Variants in TGM2 observed in about 807,000 individuals in gnomAD.
The protein encoded by TGM2 is protein-glutamine gamma-glutamyltransferase 2.
TGM2 carries 53 observed loss-of-function variants against 75.6 expected under a neutral mutation model. The ratio of observed to expected loss-of-function variants is 0.70; its 90% CI spans 0.56 to 0.88. The LOEUF (loss-of-function observed/expected upper bound fraction) is 0.88, where lower values mean the gene tolerates loss of function less well. Ranked by LOEUF, TGM2 falls within the 40% of genes least tolerant of loss-of-function variation. The pLI is 0.00. For missense variants in TGM2, 842 were observed against 928.5 expected, an observed-to-expected ratio of 0.91 and a Z score of 1.21; for synonymous variants, 374 against 381.1, an observed-to-expected ratio of 0.98 and a Z score of 0.22.
chr20:38,146,568 G>T (rs1470833410), intron 6 of TGM2, 149 bp downstream of exon 6: 1 of 889,966 alleles, frequency 1.1e-6, no homozygotes. Context: ...AAGGACCGGA[G>T]AGGGTGGTCA....
At chr20:38,152,619 G>C (rs1004797693) in intron 3 of TGM2, among the ~76,000 whole-genome samples, 2 of 152,180 alleles carry the variant, frequency 1.3e-5, no homozygotes, top group Non-Finnish European at 2.9e-5. Flanking sequence ...GTGAAGCCTT[G>C]CATATAACTG....
intron 2 of TGM2, 81 bp from the exon 3 acceptor site, chr20:38,156,170 TG>T: frequency 6.5e-7 from 1 of 1,533,566 alleles, no homozygotes; most frequent in Non-Finnish European, 8.8e-7. Context: ...TCCCCCAGCT[TG>T]GGCTCCAGGC....
chr20:38,149,322 A>G (rs1285400062), intron 4 of TGM2, among the ~76,000 whole-genome samples: 1 of 152,010 alleles, frequency 6.6e-6, no homozygotes, highest in Non-Finnish European at 1.5e-5. Context: ...CTGGACTGTG[A>G]TCACCTCCAG....
intron 6 of TGM2, among the ~76,000 whole-genome samples, chr20:38,143,981 C>T (rs2075011563): frequency 6.6e-6 from 1 of 152,194 alleles, no homozygotes; most frequent in African/African-American, 2.4e-5. Flanking sequence ...GTTTCTGTCC[C>T]CCTGAGGCCT....
In TGM2 at chr20:38,130,270, G is replaced by C. The variant is rs771564770; in HGVS notation, c.2013C>G (p.Asp671Glu). 6.2e-7 allele frequency: 1 copy of C among 1,613,242 alleles called. No individual in the cohort carries two copies. Among genetic ancestry groups the C allele is most frequent in the South Asian group, 1.1e-5 (1 of 90,610 alleles). Residue 671 changes from aspartate to glutamate, a missense_variant, in exon 13 of 13, where the codon GAC becomes GAG. Transcript: ENST00000361475. The part of the protein sequence containing the change: ...LHKLVVNFES[D>E]KLKAVKGFRN... The stretch of plus-strand genomic sequence containing the variant: ...GGAAGCCCTTCACAGCCTTCAGCTT[G>C]TCGCTCTCGAAGTTCACCACCAGCT...
At chr20:38,145,132 CAGGCAGAG>C (rs2075029415) in intron 6 of TGM2, among the ~76,000 whole-genome samples, 1 of 152,140 alleles carries the variant, frequency 6.6e-6, no homozygotes, top group African/African-American at 2.4e-5. Flanking sequence ...CAGGCAGTCC[CAGGCAGAG>C]AGGCAGGAGT....
In TGM2 at chr20:38,132,258, G is replaced by T. The variant is rs573476293; in HGVS notation, c.1776+82C>A. On this transcript the variant is annotated intron_variant, in intron 11 of 12. Coordinates refer to ENST00000361475, the MANE Select transcript of TGM2 (RefSeq NM_004613.4). Reference sequence around the variant, plus strand: ...GTCTGGAGCTTGCAGGGATGCAGGTGTGTGGGGTGGGGGTAGGGATCTGCC... The same window carrying T: ...GTCTGGAGCTTGCAGGGATGCAGGTTTGTGGGGTGGGGGTAGGGATCTGCC... The T allele has an allele frequency of 1.4e-5, 21 of 1,509,684 alleles. No individual in the cohort carries two copies. In the South Asian group the frequency reaches 2.1e-4, roughly 15 times the overall value. The allele number at this position is 1,509,684 out of a possible 1,614,324, so 93.5% of individuals were successfully genotyped here.
At chr20:38,155,752 C>CT in intron 3 of TGM2, 95 bp downstream of exon 3, 1 of 1,492,466 alleles carries the variant, frequency 6.7e-7, no homozygotes, top group Non-Finnish European at 8.9e-7. Flanking sequence ...ATGTGTGTCT[C>CT]TTATCCCCTG....
rs1170110352 is a variant in TGM2 at position 38,146,888 on chromosome 20, A to T, written c.688T>A (p.Cys230Ser). The change falls in exon 6 of 13, where the codon TGC becomes AGC. Residue 230 changes from cysteine to serine, a missense_variant. Cys to Ser is a moderately radical substitution (Grantham distance 112, BLOSUM62 -1). Transcript: ENST00000361475. ...AGCAGCACACCCTGGTCATCGTTGCAGTTGACCTGCAACCAGTGGGGCAGC... is the reference window on the plus strand; with the variant it reads ...AGCAGCACACCCTGGTCATCGTTGCTGTTGACCTGCAACCAGTGGGGCAGC... ...VGRVVSGMVN[C>S]NDDQGVLLGR... 2 of 1,612,912 alleles carry T rather than the reference A, an allele frequency of 1.2e-6. No individual in the cohort carries two copies. The highest frequency in any genetic ancestry group is 1.7e-6 in the Non-Finnish European group (2 of 1,179,984).
chr20:38,141,253 GTTTGAC>G, intron 8 of TGM2, 23 bp downstream of exon 8: 1 of 1,532,274 alleles, frequency 6.5e-7, no homozygotes, highest in Non-Finnish European at 8.9e-7. Flanking sequence ...TTCCCCATCT[GTTTGAC>G]GCGACAGTGC....
At position 38,131,352 on chromosome 20, in the gene TGM2, CCCCCT is replaced by C. The variant is rs199721280; in HGVS notation, c.1777-128_1777-124del. 4.5e-3 allele frequency: 5,979 copies of C among 1,331,376 alleles called. 198 individuals carry two copies. In the African/African-American group the frequency reaches 0.076, roughly 17 times the overall value. 82.5% of individuals were successfully genotyped at this position (1,331,376 alleles called of 1,614,324 possible). A position where few individuals can be genotyped will look rare whatever the true frequency, so the allele number is the denominator to read the frequency against. ...TGTACCCAGGTCTGCCACGATCACC[CCCCCT>C]CCCCCCACCTCTGTGCCTCAGTTTC... On this transcript the variant is annotated intron_variant, in intron 11 of 12. Transcript: ENST00000361475.
intron 6 of TGM2, among the ~76,000 whole-genome samples, chr20:38,144,787 C>T (rs990512816): frequency 2.6e-5 from 4 of 152,224 alleles, no homozygotes; most frequent in Non-Finnish European, 5.9e-5. Context: ...GTGAACTCCA[C>T]GGCCACAGTG....
Position 38,139,461 on chromosome 20 carries a change from C to T in TGM2, c.1293G>A (p.Val431=), listed in dbSNP as rs766847686. The T allele has an allele frequency of 1.2e-6, 2 of 1,614,200 alleles. No individual in the cohort carries two copies. Among genetic ancestry groups the T allele is most frequent in the African/African-American group, 2.7e-5 (2 of 75,050 alleles). Reference sequence around the variant, plus strand: ...TGATATCCTCCCGCTCGTCTCGGCCCACGCTCTTAGTGCTGATCTTCAGCC... The same window carrying T: ...TGATATCCTCCCGCTCGTCTCGGCCTACGCTCTTAGTGCTGATCTTCAGCC... The part of the protein sequence containing the change: ...IVGLKISTKS[V]GRDEREDITH... Residue 431 remains valine (V), a synonymous_variant, in exon 9 of 13, where the codon GTG becomes GTA. Coordinates refer to ENST00000361475, the MANE Select transcript of TGM2 (RefSeq NM_004613.4).
At chr20:38,149,944 T>A (rs907340034) in intron 4 of TGM2, among the ~76,000 whole-genome samples, 8 of 152,106 alleles carry the variant, frequency 5.3e-5, no homozygotes, top group African/African-American at 1.9e-4. Context: ...AGGGAAGATT[T>A]CCCTATGGTT....
chr20:38,158,841 C>A (rs2075219161), intron 2 of TGM2, among the ~76,000 whole-genome samples: 1 of 152,210 alleles, frequency 6.6e-6, no homozygotes, highest in Non-Finnish European at 1.5e-5. Flanking sequence ...GCTGGCCAGG[C>A]CTTGAGCCGG....
At chr20:38,167,907 C>T (rs1393671432), upstream of TGM2, among the ~76,000 whole-genome samples, 1 of 152,170 alleles carries the variant, frequency 6.6e-6, no homozygotes, top group Non-Finnish European at 1.5e-5. Context: ...ACCTCTGTGC[C>T]TCAGTTTCCT....
At position 38,141,260 on chromosome 20, in the gene TGM2, G is replaced by A. The variant is rs762724074; in HGVS notation, c.1099+22C>T. 1.4e-5 allele frequency: 21 copies of A among 1,543,862 alleles called. No homozygotes were observed. The Admixed American group carries it at 1.4e-4, about 10-fold the overall frequency. ...GCCTCGTCTTCCCCATCTGTTTGAC[G>A]CGACAGTGCCCGCCCACGCACCTTC... On this transcript the variant is annotated intron_variant, in intron 8 of 12. Transcript: ENST00000361475.
rs537457990 is a variant in TGM2, at chr20:38,132,627, C to T, written c.1616-127G>A. 3.4e-5 allele frequency: 45 copies of T among 1,315,094 alleles called. No homozygotes were observed. The African/African-American group carries it at 5.6e-4, about 16-fold the overall frequency. 81.5% of individuals were successfully genotyped at this position (1,315,094 alleles called of 1,614,324 possible). A position where few individuals can be genotyped will look rare whatever the true frequency, so the allele number is the denominator to read the frequency against. On this transcript the variant is annotated intron_variant, in intron 10 of 12. Transcript: ENST00000361475. ...GTCACACAGCGGGGGAATGGCTGGG[C>T]GGATCCCTGAACTCCCCACTGTGGC...
intron 11 of TGM2, among the ~76,000 whole-genome samples, 184 bp from the exon 12 acceptor site, chr20:38,131,413 G>A (rs1240736092): frequency 1.3e-5 from 2 of 150,618 alleles, no homozygotes; most frequent in Non-Finnish European, 2.9e-5. Context: ...TGTGCTACCG[G>A]CCCAGGTCTC....
Sources: gnomAD v4.1 joint callset for allele counts (sites outside exome capture counted in the v4.1 genomes callset) on GRCh38, gnomAD v4.1.1 for gene constraint, MANE v1.5 for transcripts, NCBI Gene and HGNC (gene_info 2026-07-23, HGNC 2026-07-21) for gene names.